SPIRE1: variants seen among roughly 807,000 people sequenced by gnomAD.
SPIRE1 encodes protein spire homolog 1.
Under a neutral mutation model 94.1 loss-of-function variants are expected in SPIRE1, and 40 were observed. The ratio of observed to expected loss-of-function variants is 0.43; its 90% confidence interval spans 0.33 to 0.55. The LOEUF is 0.55. SPIRE1 is among the 20% of genes least tolerant of loss of function. SPIRE1 has a pLI of 0.06. For missense variants in SPIRE1, 838 were observed against 975.2 expected, an observed-to-expected ratio of 0.86 and a Z score of 1.87; for synonymous variants, 376 against 371.7, an observed-to-expected ratio of 1.01 and a Z score of -0.13.
chr18:12,479,584 G>T, intron 10 of SPIRE1, 115 bp downstream of exon 10: 4 of 978,414 alleles, frequency 4.1e-6, no homozygotes, highest in Admixed American at 5.5e-5. Context: ...AGCTTTACTG[G>T]TTGAAAAATG....
chr18:12,469,022 C>T (rs962111018), intron 10 of SPIRE1, among the ~76,000 whole-genome samples: 4 of 152,136 alleles, frequency 2.6e-5, no homozygotes. Context: ...TGTGTTCACA[C>T]CACTGCCCTG....
At chr18:12,482,858 T>C (rs1031492498) in intron 9 of SPIRE1, among the ~76,000 whole-genome samples, 2 of 152,076 alleles carry the variant, frequency 1.3e-5, no homozygotes, top group East Asian at 1.9e-4. Flanking sequence ...AAACGGGTTA[T>C]GTAACAGCCA....
intron 1 of SPIRE1, among the ~76,000 whole-genome samples, chr18:12,643,543 G>A (rs959314131): frequency 6.6e-6 from 1 of 152,170 alleles, no homozygotes; most frequent in Non-Finnish European, 1.5e-5. Context: ...GAGCCCTGCA[G>A]AGAAGCATCC....
intron 12 of SPIRE1, among the ~76,000 whole-genome samples, chr18:12,460,151 G>T (rs1251500939): frequency 1.3e-5 from 2 of 152,202 alleles, no homozygotes; most frequent in Non-Finnish European, 2.9e-5. Flanking sequence ...CGTTCACACA[G>T]CAAGGATTTT....
At chr18:12,475,555 A>T (rs2094487098) in intron 10 of SPIRE1, among the ~76,000 whole-genome samples, 2 of 152,186 alleles carry the variant, frequency 1.3e-5, no homozygotes, top group African/African-American at 4.8e-5. Flanking sequence ...AGAAGAGTTT[A>T]AAAATGCACT....
At chr18:12,635,495 A>C (rs2037897607) in intron 1 of SPIRE1, among the ~76,000 whole-genome samples, 1 of 152,220 alleles carries the variant, frequency 6.6e-6, no homozygotes, top group East Asian at 1.9e-4. Context: ...ATATATTTCC[A>C]GTTTAAAGAT....
intron 3 of SPIRE1, among the ~76,000 whole-genome samples, chr18:12,539,152 A>G (rs1005542364): frequency 6.6e-6 from 1 of 152,236 alleles, no homozygotes; most frequent in African/African-American, 2.4e-5. Flanking sequence ...AAAGAAACAC[A>G]GTATTTGATA....
In SPIRE1 at chr18:12,453,017, T is replaced by G. The variant is rs750172409; in HGVS notation, c.1847+51A>C. ...GTGAAATAAGGAAGATAATTGGTAT[T>G]TCTCTTACGACTGTTAAATTTATCT... On this transcript the variant is annotated intron_variant, in intron 14 of 16. Transcript: ENST00000409402. The G allele has an allele frequency of 1.6e-5, 19 of 1,205,480 alleles. No homozygotes were observed. The South Asian group carries it at 2.8e-4, about 17-fold the overall frequency. 74.7% of individuals were successfully genotyped at this position (1,205,480 alleles called of 1,614,324 possible).
chr18:12,455,835 G>A (rs2031482666), intron 12 of SPIRE1, among the ~76,000 whole-genome samples: 1 of 152,190 alleles, frequency 6.6e-6, no homozygotes, highest in South Asian at 2.1e-4. Context: ...CAGTGAGAAA[G>A]CACATGACTA....
chr18:12,537,295 C>T (rs934488565), intron 3 of SPIRE1, among the ~76,000 whole-genome samples: 4 of 152,304 alleles, frequency 2.6e-5, no homozygotes, highest in Admixed American at 1.3e-4. Flanking sequence ...TGAAAGACAA[C>T]AACTGAGGCT....
chr18:12,503,607 GT>G (rs540157133), intron 6 of SPIRE1, among the ~76,000 whole-genome samples: 20 of 152,058 alleles, frequency 1.3e-4, no homozygotes, highest in Admixed American at 3.9e-4. Context: ...GATATGTTGG[GT>G]TTTTTTCCCC....
At chr18:12,465,070 C>T (rs2032035174) in intron 10 of SPIRE1, 112 bp from the exon 11 acceptor site, 3 of 907,260 alleles carry the variant, frequency 3.3e-6, no homozygotes, top group Non-Finnish European at 5.1e-6. Context: ...CAAAGTATGT[C>T]AAAGGTTCAA....
chr18:12,649,774 G>A (rs1383208753), intron 1 of SPIRE1, among the ~76,000 whole-genome samples: 1 of 152,144 alleles, frequency 6.6e-6, no homozygotes, highest in Non-Finnish European at 1.5e-5. Context: ...ACTTACTTGA[G>A]GACTAATATC....
At chr18:12,530,466 G>C (rs765716436) in intron 4 of SPIRE1, among the ~76,000 whole-genome samples, 5 of 152,034 alleles carry the variant, frequency 3.3e-5, no homozygotes, top group Admixed American at 6.6e-5. Flanking sequence ...AAACTCCCGG[G>C]CTCAAAAGAT....
At chr18:12,630,323 T>C (rs987465769) in intron 2 of SPIRE1, among the ~76,000 whole-genome samples, 3 of 152,278 alleles carry the variant, frequency 2.0e-5, no homozygotes, top group South Asian at 2.1e-4. Flanking sequence ...TGACACATAA[T>C]ATGCTGCACG....
At chr18:12,460,299 G>A (rs1159735181) in intron 12 of SPIRE1, among the ~76,000 whole-genome samples, 3 of 152,224 alleles carry the variant, frequency 2.0e-5, no homozygotes, top group African/African-American at 7.2e-5. Flanking sequence ...CCCCAGGAAG[G>A]TACTGCCAAC....
At chr18:12,492,246 A>G (rs937996925) in intron 8 of SPIRE1, among the ~76,000 whole-genome samples, 2 of 152,174 alleles carry the variant, frequency 1.3e-5, no homozygotes, top group Non-Finnish European at 2.9e-5. Context: ...AGAGGAGAAA[A>G]CTAGCAGAGT....
At chr18:12,588,013 T>C (rs1332135832) in intron 2 of SPIRE1, among the ~76,000 whole-genome samples, 1 of 152,184 alleles carries the variant, frequency 6.6e-6, no homozygotes, top group Non-Finnish European at 1.5e-5. Context: ...CCCTCAGCTC[T>C]AGGCAACCAC....
chr18:12,596,387 A>G (rs1387392169), intron 2 of SPIRE1, among the ~76,000 whole-genome samples: 2 of 152,178 alleles, frequency 1.3e-5, no homozygotes, highest in African/African-American at 4.8e-5. Context: ...CTTTTTCACC[A>G]TTCTAGTTCC....
Sources: gnomAD v4.1 joint callset for allele counts (sites outside exome capture counted in the v4.1 genomes callset) on GRCh38, gnomAD v4.1.1 for gene constraint, MANE v1.5 for transcripts, NCBI Gene and HGNC (gene_info 2026-07-23, HGNC 2026-07-21) for gene names.